Variants in GPM6A observed in about 807,000 individuals in gnomAD.
GPM6A encodes neuronal membrane glycoprotein M6-a.
Under a neutral mutation model 32.1 loss-of-function variants are expected in GPM6A, and 7 were observed. The observed-to-expected ratio is 0.22, with a 90% CI of 0.12 to 0.41. The LOEUF is 0.41. Among genes scored for constraint, GPM6A ranks in the 10% least tolerant of loss-of-function variants. The pLI is 1.00. For missense variants in GPM6A, 235 were observed against 347.2 expected, an observed-to-expected ratio of 0.68 and a Z score of 2.57; for synonymous variants, 130 against 123.4, an observed-to-expected ratio of 1.05 and a Z score of -0.35.
intron 3 of GPM6A, among the ~76,000 whole-genome samples, chr4:175,662,575 G>A (rs1167035097): frequency 2.0e-5 from 3 of 151,994 alleles, no homozygotes; most frequent in Non-Finnish European, 2.9e-5. Context: ...ACTCCAGCCT[G>A]GGCAACAGAA....
intron 1 of GPM6A, among the ~76,000 whole-genome samples, chr4:175,806,570 A>C (rs1016111256): frequency 3.3e-5 from 5 of 152,248 alleles, no homozygotes; most frequent in Non-Finnish European, 7.3e-5. Context: ...ATCCAAGGAA[A>C]ATATAAAATG....
chr4:175,858,931 G>A (rs1251865362), intron 1 of GPM6A, among the ~76,000 whole-genome samples: 3 of 152,158 alleles, frequency 2.0e-5, no homozygotes, highest in Non-Finnish European at 4.4e-5. Context: ...ACAATATGAT[G>A]ACTCTTAAAA....
intron 1 of GPM6A, among the ~76,000 whole-genome samples, chr4:175,762,699 T>C (rs954685107): frequency 2.0e-5 from 3 of 152,044 alleles, no homozygotes; most frequent in African/African-American, 7.3e-5. Context: ...AACAAGAACA[T>C]ATGCGCATCT....
intron 1 of GPM6A, among the ~76,000 whole-genome samples, chr4:175,885,384 T>G (rs1737418720): frequency 6.6e-6 from 1 of 152,376 alleles, no homozygotes; most frequent in South Asian, 2.1e-4. Flanking sequence ...GGGATGTCTA[T>G]GAGGGACACC....
chr4:175,720,790 T>A (rs895029200), intron 1 of GPM6A, among the ~76,000 whole-genome samples: 3 of 152,038 alleles, frequency 2.0e-5, no homozygotes, highest in African/African-American at 7.2e-5. Flanking sequence ...TGGAAAAATA[T>A]ATACTGAATT....
intron 1 of GPM6A, among the ~76,000 whole-genome samples, chr4:175,957,769 TAA>T (rs1740035356): frequency 6.6e-6 from 1 of 152,126 alleles, no homozygotes; most frequent in South Asian, 2.1e-4. Flanking sequence ...AGACAAAAAA[TAA>T]AGTTATAAAA....
chr4:175,749,443 A>G (rs1334596740), intron 1 of GPM6A, among the ~76,000 whole-genome samples: 1 of 152,196 alleles, frequency 6.6e-6, no homozygotes, highest in Non-Finnish European at 1.5e-5. Flanking sequence ...TTTATAAAAA[A>G]TGCACTGTCT....
chr4:175,942,625 A>C (rs973735239), intron 1 of GPM6A, among the ~76,000 whole-genome samples: 1 of 152,160 alleles, frequency 6.6e-6, no homozygotes, highest in Non-Finnish European at 1.5e-5. Context: ...ACCATTTATT[A>C]AATAGGGAAT....
intron 3 of GPM6A, among the ~76,000 whole-genome samples, chr4:175,655,842 A>C (rs1742054674): frequency 6.6e-6 from 1 of 152,124 alleles, no homozygotes; most frequent in Non-Finnish European, 1.5e-5. Context: ...TCATAGGGCT[A>C]TGATGTAAAC....
chr4:175,726,603 T>C (rs1350013478), intron 1 of GPM6A, among the ~76,000 whole-genome samples: 3 of 152,200 alleles, frequency 2.0e-5, no homozygotes, highest in Non-Finnish European at 4.4e-5. Context: ...TTATCTATAT[T>C]CCAGGATTGA....
chr4:175,994,860 C>A lies in GPM6A; in HGVS notation c.-23+7449G>T, dbSNP rs140228209. Among the ~76,000 whole-genome samples, 679 of 152,192 alleles carry A rather than the reference C, an allele frequency of 4.5e-3. 4 individuals are homozygous for A. The highest frequency in any genetic ancestry group is 0.016 in the African/African-American group (646 of 41,510). On this transcript the variant is annotated intron_variant, in intron 1 of 7. Coordinates refer to the GPM6A transcript ENST00000280187. ...CTTTCAAAATTGGAGTAAATCCTAC[C>A]GCTGCTTTATCAACTAAGTTTATGT...
intron 1 of GPM6A, 107 bp downstream of exon 1, chr4:175,812,084 C>A: frequency 5.0e-6 from 4 of 807,572 alleles, no homozygotes; most frequent in South Asian, 3.7e-5. Flanking sequence ...GAACAAAATG[C>A]CTTCCAAGAG....
At chr4:175,849,265 G>A (rs927036152) in intron 1 of GPM6A, among the ~76,000 whole-genome samples, 4 of 152,156 alleles carry the variant, frequency 2.6e-5, no homozygotes, top group Non-Finnish European at 5.9e-5. Flanking sequence ...TTAGTTGCAT[G>A]GGGCCTTGTG....
chr4:175,820,874 T>A (rs1305984756), intron 1 of GPM6A, among the ~76,000 whole-genome samples: 1 of 152,254 alleles, frequency 6.6e-6, no homozygotes. Flanking sequence ...CTCAATCTTT[T>A]AATGTATATG....
intron 1 of GPM6A, among the ~76,000 whole-genome samples, chr4:175,831,171 A>G (rs1167592166): frequency 6.6e-6 from 1 of 152,170 alleles, no homozygotes; most frequent in Non-Finnish European, 1.5e-5. Context: ...TAATTACTGC[A>G]AATCCCTGCA....
chr4:175,815,018 CT>C (rs769713782), upstream of GPM6A, among the ~76,000 whole-genome samples: 284 of 148,870 alleles, frequency 1.9e-3, no homozygotes, highest in Middle Eastern at 6.8e-3. Context: ...ATGATTTTCT[CT>C]TTTTTTTTTG....
chr4:175,873,737 A>C (rs1240374571), intron 1 of GPM6A, among the ~76,000 whole-genome samples: 2 of 152,204 alleles, frequency 1.3e-5, no homozygotes, highest in Admixed American at 1.3e-4. Flanking sequence ...ACAATATGTA[A>C]AATTATCTCT....
intron 1 of GPM6A, among the ~76,000 whole-genome samples, chr4:175,926,662 T>C (rs1738848211): frequency 6.6e-6 from 1 of 152,182 alleles, no homozygotes; most frequent in South Asian, 2.1e-4. Context: ...TTAGCTGAAA[T>C]ATTTATTATT....
chr4:175,706,639 C>G (rs1000350604), intron 1 of GPM6A, among the ~76,000 whole-genome samples: 2 of 152,134 alleles, frequency 1.3e-5, no homozygotes, highest in East Asian at 1.9e-4. Flanking sequence ...TGAGGGCTGT[C>G]TATTCTGTCC....
Sources: gnomAD v4.1 joint callset for allele counts (sites outside exome capture counted in the v4.1 genomes callset) on GRCh38, gnomAD v4.1.1 for gene constraint, MANE v1.5 for transcripts, NCBI Gene and HGNC (gene_info 2026-07-23, HGNC 2026-07-21) for gene names.